NELL1: variants seen among roughly 807,000 people sequenced by gnomAD.
The protein encoded by NELL1 is protein kinase C-binding protein NELL1.
A neutral mutation model predicts 107.4 loss-of-function variants in NELL1; 76 were observed. That is an observed-to-expected ratio of 0.71 (90% CI 0.59 to 0.86). The LOEUF is 0.86. NELL1 is among the 40% of genes least tolerant of loss of function. The pLI, the probability that NELL1 is intolerant of heterozygous loss-of-function variation, is 0.00. For synonymous variants in NELL1, 353 were observed against 341.2 expected, an observed-to-expected ratio of 1.03 and a Z score of -0.38; for missense variants, 1,024 against 1,005.5, an observed-to-expected ratio of 1.02 and a Z score of -0.25.
At chr11:21,438,528 A>G (rs1323157691) in intron 15 of NELL1, among the ~76,000 whole-genome samples, 2 of 152,190 alleles carry the variant, frequency 1.3e-5, no homozygotes, top group South Asian at 2.1e-4. Flanking sequence ...GAAATTTTCA[A>G]CTGTTATTTC....
At chr11:21,107,954 C>G (rs1855009845) in intron 12 of NELL1, among the ~76,000 whole-genome samples, 1 of 152,138 alleles carries the variant, frequency 6.6e-6, no homozygotes, top group Non-Finnish European at 1.5e-5. Flanking sequence ...AACAACTATC[C>G]TCTTTGGAGT....
chr11:20,906,887 A>G (rs1850011434), intron 5 of NELL1, among the ~76,000 whole-genome samples: 1 of 152,100 alleles, frequency 6.6e-6, no homozygotes, highest in Admixed American at 6.6e-5. Context: ...AGCTAGCATT[A>G]TACTCAATAG....
intron 15 of NELL1, among the ~76,000 whole-genome samples, chr11:21,488,785 G>A (rs529468101): frequency 1.3e-5 from 2 of 152,020 alleles, no homozygotes; most frequent in East Asian, 3.9e-4. Context: ...TACAGCAAAG[G>A]CAGTGCTAAG....
At chr11:20,829,890 T>A (rs945642879) in intron 3 of NELL1, among the ~76,000 whole-genome samples, 6 of 152,190 alleles carry the variant, frequency 3.9e-5, no homozygotes, top group African/African-American at 1.4e-4. Context: ...ACTGATGATA[T>A]TATCCTTGAT....
At chr11:20,766,980 G>T (rs902603034) in intron 2 of NELL1, among the ~76,000 whole-genome samples, 4 of 152,188 alleles carry the variant, frequency 2.6e-5, no homozygotes, top group African/African-American at 9.6e-5. Flanking sequence ...CTGGCCTCAA[G>T]TGATCTGCCT....
At chr11:21,033,377 T>C (rs907385147) in intron 12 of NELL1, among the ~76,000 whole-genome samples, 1 of 152,144 alleles carries the variant, frequency 6.6e-6, no homozygotes, top group South Asian at 2.1e-4. Flanking sequence ...TCTGATCCTT[T>C]CCCTCCTCCC....
chr11:20,770,052 C>T (rs1856610313), intron 2 of NELL1, among the ~76,000 whole-genome samples: 1 of 152,152 alleles, frequency 6.6e-6, no homozygotes, highest in Non-Finnish European at 1.5e-5. Context: ...TACCCTAGGA[C>T]ACGCAAGAAC....
chr11:20,778,222 C>G (rs1856785358), intron 2 of NELL1, among the ~76,000 whole-genome samples: 1 of 152,168 alleles, frequency 6.6e-6, no homozygotes, highest in Non-Finnish European at 1.5e-5. Flanking sequence ...GTGCACTGCC[C>G]TATTCTGCAA....
At chr11:21,050,276 C>T (rs1201733979) in intron 12 of NELL1, among the ~76,000 whole-genome samples, 1 of 133,790 alleles carries the variant, frequency 7.5e-6, no homozygotes, top group East Asian at 2.5e-4. Context: ...TCCCCGCCCC[C>T]CACTTTTTTT....
At chr11:21,142,836 A>G (rs1203344141) in intron 13 of NELL1, among the ~76,000 whole-genome samples, 4 of 152,194 alleles carry the variant, frequency 2.6e-5, no homozygotes, top group African/African-American at 4.8e-5. Flanking sequence ...TGAGATAACT[A>G]AAAGGATCAC....
At chr11:21,545,249 C>T (rs1370563752) in intron 16 of NELL1, among the ~76,000 whole-genome samples, 2 of 109,294 alleles carry the variant, frequency 1.8e-5, no homozygotes, top group Non-Finnish European at 4.3e-5. Context: ...CTCCTTTCCA[C>T]TCTGATAAAC....
In NELL1 at chr11:20,684,772, C is replaced by A. The variant is rs191780426; in HGVS notation, c.184+6712C>A. ...CTACTTTAAAGGTTTGTTAGATGGG[C>A]CCAGAGAAGTGCTAGTGCTAGTAGT... On this transcript the variant is annotated intron_variant, in intron 2 of 19. Coordinates refer to ENST00000357134, the MANE Select transcript of NELL1 (RefSeq NM_006157.5). 1.9e-4 allele frequency among the ~76,000 whole-genome samples: 29 copies of A among 151,970 alleles called. 1 individual carries two copies. Among genetic ancestry groups the A allele is most frequent in the South Asian group, 1.2e-3 (6 of 4,826 alleles).
At chr11:20,988,952 C>G (rs1851912667) in intron 12 of NELL1, among the ~76,000 whole-genome samples, 1 of 152,034 alleles carries the variant, frequency 6.6e-6, no homozygotes, top group Admixed American at 6.6e-5. Context: ...TCTGAGTTCT[C>G]CTCTTGACTC....
chr11:20,813,945 T>A (rs1044781873), intron 3 of NELL1, among the ~76,000 whole-genome samples: 1 of 151,782 alleles, frequency 6.6e-6, no homozygotes, highest in Non-Finnish European at 1.5e-5. Context: ...TTTCAACTTT[T>A]ATTAATTTAA....
intron 13 of NELL1, among the ~76,000 whole-genome samples, chr11:21,136,394 C>T (rs1855744793): frequency 6.6e-6 from 1 of 152,108 alleles, no homozygotes; most frequent in Admixed American, 6.5e-5. Flanking sequence ...TTTTGAGAAG[C>T]CATTAAAAGC....
At chr11:21,321,166 T>A (rs1226375413) in intron 14 of NELL1, among the ~76,000 whole-genome samples, 3 of 152,238 alleles carry the variant, frequency 2.0e-5, no homozygotes, top group African/African-American at 7.2e-5. Flanking sequence ...GCACCTTTGG[T>A]GCTGTACATG....
chr11:20,879,055 C>T (rs1849359562), intron 4 of NELL1, among the ~76,000 whole-genome samples: 1 of 152,154 alleles, frequency 6.6e-6, no homozygotes, highest in Non-Finnish European at 1.5e-5. Flanking sequence ...TGTTCCATTT[C>T]CTCCAGACCC....
chr11:21,016,134 A>AT (rs1284421974), intron 12 of NELL1, among the ~76,000 whole-genome samples: 1 of 152,046 alleles, frequency 6.6e-6, no homozygotes, highest in Non-Finnish European at 1.5e-5. Context: ...CCGAAGCCTT[A>AT]CCTTTCTTCC....
At chr11:20,868,445 G>A (rs1433954279) in intron 4 of NELL1, among the ~76,000 whole-genome samples, 1 of 152,084 alleles carries the variant, frequency 6.6e-6, no homozygotes, top group African/African-American at 2.4e-5. Flanking sequence ...ATGATAAAAA[G>A]TTAAGGAAAT....
Sources: gnomAD v4.1 joint callset for allele counts (sites outside exome capture counted in the v4.1 genomes callset) on GRCh38, gnomAD v4.1.1 for gene constraint, MANE v1.5 for transcripts, NCBI Gene and HGNC (gene_info 2026-07-23, HGNC 2026-07-21) for gene names.